Variants in USPL1 observed in about 807,000 individuals in gnomAD.
The protein encoded by USPL1 is ubiquitin specific peptidase like 1.
In USPL1, 27 loss-of-function variants were observed where a neutral mutation model predicts 51.5. The ratio of observed to expected loss-of-function variants is 0.52; its 90% CI spans 0.39 to 0.72. The LOEUF (loss-of-function observed/expected upper bound fraction) is 0.72, where lower values mean the gene tolerates loss of function less well. Among genes scored for constraint, USPL1 ranks in the 30% least tolerant of loss-of-function variants. USPL1 has a pLI of 0.00. For synonymous variants in USPL1, 451 were observed against 459.6 expected (o/e 0.98, Z 0.24); for missense variants, 1,226 against 1,268.0 (o/e 0.97, Z 0.50).
chr13:30,651,416 C>T (rs1379793446), intron 7 of USPL1, among the ~76,000 whole-genome samples: 1 of 152,088 alleles, frequency 6.6e-6, no homozygotes, highest in African/African-American at 2.4e-5. Context: ...TTGGTCTTGG[C>T]AGTTTTTACT....
rs554881067 is a variant in USPL1, at chr13:30,631,611, C to T, written c.868+137C>T. ...GACTTCCCTGGCTCAGGTGGGCCTC[C>T]CACCTCAGTCTCCCAAGTAGCTGGA... On this transcript the variant is annotated intron_variant, in intron 4 of 8. Transcript: ENST00000255304. 7.7e-6 allele frequency: 6 copies of T among 774,364 alleles called. No homozygotes were observed. The African/African-American group carries it at 1.1e-4, about 14-fold the overall frequency. 48.0% of individuals were successfully genotyped at this position (774,364 alleles called of 1,614,324 possible). A position where few individuals can be genotyped will look rare whatever the true frequency, so the allele number is the denominator to read the frequency against.
At chr13:30,622,401 G>A (rs1347787348) in intron 3 of USPL1, among the ~76,000 whole-genome samples, 3 of 152,052 alleles carry the variant, frequency 2.0e-5, no homozygotes, top group African/African-American at 7.2e-5. Flanking sequence ...CGACTGGTAC[G>A]GCTTTTATAT....
chr13:30,642,569 T>C, intron 5 of USPL1, 59 bp from the exon 6 acceptor site: 1 of 1,575,184 alleles, frequency 6.3e-7, no homozygotes, highest in South Asian at 1.2e-5. Context: ...GTTCACAATT[T>C]TGGTTTAGTT....
At chr13:30,639,201 C>T (rs191519162) in intron 5 of USPL1, among the ~76,000 whole-genome samples, 3 of 148,106 alleles carry the variant, frequency 2.0e-5, no homozygotes, top group African/African-American at 7.5e-5. Flanking sequence ...GGGGACAGAG[C>T]GAGACTCCGT....
intron 4 of USPL1, 104 bp from the exon 5 acceptor site, chr13:30,637,640 T>C (rs1950893280): frequency 1.1e-6 from 1 of 924,792 alleles, no homozygotes; most frequent in Non-Finnish European, 1.6e-6. Context: ...TTTTGTCTGT[T>C]TGCAAAACTT....
At chr13:30,651,897 A>G (rs1257740564) in intron 7 of USPL1, among the ~76,000 whole-genome samples, 4 of 152,132 alleles carry the variant, frequency 2.6e-5, no homozygotes, top group Non-Finnish European at 5.9e-5. Flanking sequence ...CGGAGATTGC[A>G]GTAAGCTGAG....
intron 8 of USPL1, among the ~76,000 whole-genome samples, chr13:30,654,944 G>GTT (rs544944279): frequency 6.8e-6 from 1 of 146,018 alleles, no homozygotes; most frequent in South Asian, 2.2e-4. Context: ...ATATATATAT[G>GTT]TTTTTTTTTT....
chr13:30,650,601 G>T (rs1045584436), intron 7 of USPL1, among the ~76,000 whole-genome samples: 2 of 150,506 alleles, frequency 1.3e-5, no homozygotes, highest in African/African-American at 4.9e-5. Context: ...AGAAAGAAAT[G>T]CTGCTTATTT....
At chr13:30,640,842 T>C (rs1443004973) in intron 5 of USPL1, among the ~76,000 whole-genome samples, 1 of 152,240 alleles carries the variant, frequency 6.6e-6, no homozygotes, top group Non-Finnish European at 1.5e-5. Context: ...ATTATACTCA[T>C]CTACCATGTA....
chr13:30,650,806 A>G (rs1239858751), intron 7 of USPL1, among the ~76,000 whole-genome samples: 1 of 151,646 alleles, frequency 6.6e-6, no homozygotes, highest in African/African-American at 2.4e-5. Context: ...TCTGGCCAAC[A>G]TGGTGAAACC....
intron 7 of USPL1, among the ~76,000 whole-genome samples, chr13:30,650,587 A>G (rs1951077016): frequency 6.6e-6 from 1 of 152,034 alleles, no homozygotes; most frequent in East Asian, 1.9e-4. Context: ...AAAAAAAAAA[A>G]AAAAGAAAGA....
At chr13:30,642,238 A>C (rs1950957519) in intron 5 of USPL1, among the ~76,000 whole-genome samples, 1 of 152,078 alleles carries the variant, frequency 6.6e-6, no homozygotes, top group Non-Finnish European at 1.5e-5. Flanking sequence ...TGGGATTACA[A>C]GGTGTGAGCC....
At chr13:30,623,271 G>A (rs1188605361) in intron 3 of USPL1, among the ~76,000 whole-genome samples, 1 of 152,142 alleles carries the variant, frequency 6.6e-6, no homozygotes, top group African/African-American at 2.4e-5. Context: ...CTACTGCAAT[G>A]AAAGCAGCAG....
chr13:30,619,417 A>G (rs1011036905), intron 1 of USPL1, among the ~76,000 whole-genome samples: 2 of 152,174 alleles, frequency 1.3e-5, no homozygotes, highest in African/African-American at 4.8e-5. Context: ...GAGACTCTTT[A>G]TATTTTATAA....
At chr13:30,628,364 C>G (rs1199766077) in intron 3 of USPL1, among the ~76,000 whole-genome samples, 1 of 151,928 alleles carries the variant, frequency 6.6e-6, no homozygotes, top group South Asian at 2.1e-4. Flanking sequence ...TTTTTTAAGT[C>G]TTAATCTCCA....
chr13:30,652,933 T>C (rs1381523206), intron 7 of USPL1, among the ~76,000 whole-genome samples: 1 of 152,244 alleles, frequency 6.6e-6, no homozygotes, highest in East Asian at 1.9e-4. Flanking sequence ...CTTCCAACTG[T>C]CTGGGATACC....
chr13:30,645,709 A>G (rs937150610), intron 6 of USPL1, among the ~76,000 whole-genome samples: 3 of 152,176 alleles, frequency 2.0e-5, no homozygotes, highest in Admixed American at 6.5e-5. Flanking sequence ...CTTTTTACTC[A>G]ACTTGGAAAG....
intron 3 of USPL1, among the ~76,000 whole-genome samples, chr13:30,622,975 C>T (rs1431582260): frequency 2.0e-5 from 3 of 152,010 alleles, no homozygotes; most frequent in African/African-American, 7.2e-5. Flanking sequence ...ACAAAAATTT[C>T]TTGCCCTTAA....
rs200876286 is a variant in USPL1, at chr13:30,658,599, A to G, written c.2522A>G (p.His841Arg). The change falls in exon 9 of 9, where the codon CAC (histidine) becomes CGC (arginine). Residue 841 changes from histidine (H) to arginine (R), a missense_variant. By Grantham distance (29) the His-to-Arg change is conservative. Transcript: ENST00000255304. ...GPPSSNGTAA[H>R]PHAHAASEVL... ...CCATCGTCTAATGGCACAGCTGCCC[A>G]CCCACATGCTCATGCTGCTTCAGAA... The G allele has an allele frequency of 1.2e-4, 201 of 1,614,056 alleles. 1 individual carries two copies. Among genetic ancestry groups the G allele is most frequent in the Admixed American group, 4.5e-4 (27 of 59,994 alleles).
Sources: allele counts gnomAD v4.1 joint callset (sites outside exome capture counted in the v4.1 genomes callset), GRCh38; gene constraint gnomAD v4.1.1; transcripts MANE v1.5; gene names NCBI Gene and HGNC (gene_info 2026-07-23, HGNC 2026-07-21).